The following HS3ST2 variants were observed in gnomAD, a reference collection of about 807,000 sequenced individuals.
HS3ST2 encodes heparan sulfate-glucosamine 3-sulfotransferase 2.
A neutral mutation model predicts 26.3 loss-of-function variants in HS3ST2; 17 were observed. That is an observed-to-expected ratio of 0.65 (90% CI 0.44 to 0.97). The LOEUF (loss-of-function observed/expected upper bound fraction) is 0.97, where lower values mean the gene tolerates loss of function less well. Ranked by LOEUF, HS3ST2 falls within the 50% of genes least tolerant of loss-of-function variation. The pLI is 0.00. For missense variants in HS3ST2, 402 were observed against 501.2 expected (o/e 0.80, Z 1.89); for synonymous variants, 237 against 219.2 (o/e 1.08, Z -0.72).
chr16:22,868,881 A>G (rs923723336), intron 1 of HS3ST2, among the ~76,000 whole-genome samples: 2 of 152,108 alleles, frequency 1.3e-5, no homozygotes, highest in African/African-American at 2.4e-5. Context: ...CATTAGTGTC[A>G]GTAATTAGAC....
At chr16:22,905,770 A>G (rs1314022580) in intron 1 of HS3ST2, among the ~76,000 whole-genome samples, 1 of 152,114 alleles carries the variant, frequency 6.6e-6, no homozygotes, top group East Asian at 1.9e-4. Flanking sequence ...AACATCAAAT[A>G]TATTAGGTAG....
At chr16:22,884,531 C>T (rs920285775) in intron 1 of HS3ST2, among the ~76,000 whole-genome samples, 9 of 152,074 alleles carry the variant, frequency 5.9e-5, no homozygotes, top group African/African-American at 2.2e-4. Flanking sequence ...ATTCTGTCTT[C>T]TTCTTCCTGA....
intron 1 of HS3ST2, among the ~76,000 whole-genome samples, chr16:22,836,348 C>G (rs1036891558): frequency 1.3e-5 from 2 of 152,152 alleles, no homozygotes; most frequent in African/African-American, 2.4e-5. Context: ...ACTCATAGTT[C>G]TGCAGACTGT....
At chr16:22,843,138 CTG>C (rs10563205) in intron 1 of HS3ST2, among the ~76,000 whole-genome samples, 17,524 of 151,732 alleles carry the variant, frequency 0.12, 1,204 homozygotes, top group South Asian at 0.22. Context: ...AATAAGAACT[CTG>C]TGACTAGATG....
chr16:22,819,451 C>CTG (rs922949060), intron 1 of HS3ST2, among the ~76,000 whole-genome samples: 1 of 152,124 alleles, frequency 6.6e-6, no homozygotes, highest in Admixed American at 6.5e-5. Flanking sequence ...ATAAGCTTTG[C>CTG]TGTGTGTAGT....
At chr16:22,907,040 A>G (rs1460687847) in intron 1 of HS3ST2, among the ~76,000 whole-genome samples, 1 of 152,260 alleles carries the variant, frequency 6.6e-6, no homozygotes, top group Non-Finnish European at 1.5e-5. Flanking sequence ...AGAAGGGTTT[A>G]CAGAGGGTGT....
At chr16:22,817,118 T>C (rs1900882020) in intron 1 of HS3ST2, among the ~76,000 whole-genome samples, 1 of 152,100 alleles carries the variant, frequency 6.6e-6, no homozygotes, top group African/African-American at 2.4e-5. Flanking sequence ...TTTTTATTTA[T>C]TTATTTTTTT....
chr16:22,839,111 C>T (rs1901315708), intron 1 of HS3ST2, among the ~76,000 whole-genome samples: 1 of 152,226 alleles, frequency 6.6e-6, no homozygotes, highest in Admixed American at 6.5e-5. Flanking sequence ...AACACCTGTG[C>T]ATTACTGCAA....
chr16:22,884,455 G>A (rs996291134), intron 1 of HS3ST2, among the ~76,000 whole-genome samples: 5 of 151,898 alleles, frequency 3.3e-5, no homozygotes, highest in East Asian at 3.9e-4. Flanking sequence ...GAGAGGATGC[G>A]GGTGTTTGCG....
intron 1 of HS3ST2, among the ~76,000 whole-genome samples, chr16:22,855,696 GTCTCTCTCTCTCTCTC>G (rs3078722): frequency 1.4e-5 from 2 of 142,940 alleles, no homozygotes; most frequent in African/African-American, 2.6e-5. Context: ...CTGTCTCTCT[GTCTCTCTCTCTCTCTC>G]TCTCTCTCTC....
intron 1 of HS3ST2, among the ~76,000 whole-genome samples, chr16:22,865,519 G>C (rs749729447): frequency 8.6e-5 from 13 of 151,998 alleles, no homozygotes; most frequent in African/African-American, 1.2e-4. Context: ...TCTCACCACT[G>C]CACTCCAGCC....
chr16:22,860,284 G>A (rs62049081), intron 1 of HS3ST2, among the ~76,000 whole-genome samples: 13,032 of 152,170 alleles, frequency 0.086, 726 homozygotes, highest in East Asian at 0.22. Context: ...AGCTTGTGTA[G>A]GGGAACTCCC....
chr16:22,816,473 G>T (rs1900871172), intron 1 of HS3ST2, among the ~76,000 whole-genome samples: 1 of 152,250 alleles, frequency 6.6e-6, no homozygotes, highest in African/African-American at 2.4e-5. Flanking sequence ...CGCAATGGTT[G>T]TAGTTGTGGG....
intron 1 of HS3ST2, among the ~76,000 whole-genome samples, chr16:22,885,143 C>T (rs1054482559): frequency 6.6e-6 from 1 of 151,940 alleles, no homozygotes; most frequent in Admixed American, 6.5e-5. Flanking sequence ...TCCCAGCCAA[C>T]ATTTTTCACT....
At chr16:22,880,647 C>A (rs115581828) in intron 1 of HS3ST2, among the ~76,000 whole-genome samples, 2 of 152,138 alleles carry the variant, frequency 1.3e-5, no homozygotes, top group African/African-American at 2.4e-5. Flanking sequence ...CTGCCCTCCC[C>A]CCATGGAGAT....
intron 1 of HS3ST2, among the ~76,000 whole-genome samples, chr16:22,839,640 A>G (rs141376945): frequency 2.0e-5 from 3 of 151,334 alleles, no homozygotes; most frequent in African/African-American, 7.3e-5. Flanking sequence ...TTTTGAGATG[A>G]CATACAGTTT....
rs184024358 is a variant in HS3ST2, at chr16:22,824,355, G to A, written c.485+9260G>A. On this transcript the variant is annotated intron_variant, in intron 1 of 1. Coordinates refer to ENST00000261374, the MANE Select transcript of HS3ST2 (RefSeq NM_006043.2). ...CGAGGTCAGGAGATCGAGACCATCTGGTTAACAGAGTGAAACCCTGTCTCT... is the reference window on the plus strand; with the variant it reads ...CGAGGTCAGGAGATCGAGACCATCTAGTTAACAGAGTGAAACCCTGTCTCT... Among the ~76,000 whole-genome samples the A allele has an allele frequency of 1.4e-3, 211 of 152,194 alleles. 1 individual carries two copies. Among genetic ancestry groups the A allele is most frequent in the African/African-American group, 4.9e-3 (203 of 41,530 alleles).
intron 1 of HS3ST2, among the ~76,000 whole-genome samples, chr16:22,896,159 A>G (rs975475041): frequency 6.6e-6 from 1 of 151,976 alleles, no homozygotes; most frequent in African/African-American, 2.4e-5. Context: ...TACATGTATT[A>G]TTTATTTGGG....
At chr16:22,905,308 A>G (rs1315009376) in intron 1 of HS3ST2, among the ~76,000 whole-genome samples, 1 of 152,206 alleles carries the variant, frequency 6.6e-6, no homozygotes, top group East Asian at 1.9e-4. Flanking sequence ...TTGGGTGGAC[A>G]GTGGGTTCCA....
Sources: allele counts gnomAD v4.1 joint callset (sites outside exome capture counted in the v4.1 genomes callset), GRCh38; gene constraint gnomAD v4.1.1; transcripts MANE v1.5; gene names NCBI Gene and HGNC (gene_info 2026-07-23, HGNC 2026-07-21).